Variants in LGSN observed in about 807,000 individuals in gnomAD.
LGSN encodes lengsin.
Under a neutral mutation model 19.5 loss-of-function variants are expected in LGSN, and 21 were observed. That is an observed-to-expected ratio of 1.07 (90% CI 0.76 to 1.55). The LOEUF is 1.55. Ranked by LOEUF, LGSN falls within the 40% of genes most tolerant of loss-of-function variation. The probability of loss-of-function intolerance (pLI) is 0.00; values close to 1 mark genes in which losing one functional copy is unlikely to be tolerated. For synonymous variants in LGSN, 257 were observed against 215.6 expected, an observed-to-expected ratio of 1.19 and a Z score of -1.68; for missense variants, 673 against 608.5, an observed-to-expected ratio of 1.11 and a Z score of -1.12.
chr6:63,351,966 G>A, the LGSN span, among the ~76,000 whole-genome samples: 2 of 152,118 alleles, frequency 1.3e-5, no homozygotes, highest in Admixed American at 1.3e-4. Flanking sequence ...ATTTTCCAAT[G>A]TATAAAGAAA....
At chr6:63,516,961 G>T in the LGSN span, among the ~76,000 whole-genome samples, 1 of 152,108 alleles carries the variant, frequency 6.6e-6, no homozygotes, top group African/African-American at 2.4e-5. Context: ...TGACTCTTCT[G>T]GATTTCTTGA....
chr6:63,555,546 A>G, the LGSN span, among the ~76,000 whole-genome samples: 2 of 152,188 alleles, frequency 1.3e-5, no homozygotes, highest in Admixed American at 1.3e-4. Flanking sequence ...TGGCACCACA[A>G]AAAATCTCTG....
chr6:63,488,157 G>T, the LGSN span, among the ~76,000 whole-genome samples: 13 of 151,946 alleles, frequency 8.6e-5, no homozygotes, highest in Admixed American at 8.5e-4. Context: ...AATATCCCAA[G>T]CAGAGACTAA....
At chr6:63,444,601 A>G in the LGSN span, among the ~76,000 whole-genome samples, 4 of 152,228 alleles carry the variant, frequency 2.6e-5, no homozygotes, top group African/African-American at 4.8e-5. Context: ...TCATAGAGCC[A>G]GAAACTAGAA....
At chr6:63,295,207 CAATTT>C (rs1253881359) in intron 1 of LGSN, among the ~76,000 whole-genome samples, 162 bp from the exon 2 acceptor site, 2 of 152,178 alleles carry the variant, frequency 1.3e-5, no homozygotes. Flanking sequence ...GAATAACTCA[CAATTT>C]AAAAGCCCAG....
chr6:63,401,996 A>G, the LGSN span, among the ~76,000 whole-genome samples: 2 of 152,234 alleles, frequency 1.3e-5, no homozygotes, highest in Non-Finnish European at 2.9e-5. Context: ...GCATGAAGAC[A>G]TGAGCAGCAA....
At chr6:63,424,295 A>G in the LGSN span, among the ~76,000 whole-genome samples, 1 of 152,134 alleles carries the variant, frequency 6.6e-6, no homozygotes, top group Non-Finnish European at 1.5e-5. Context: ...GGATCACTTG[A>G]GTCTCCCTAT....
the LGSN span, among the ~76,000 whole-genome samples, chr6:63,341,734 G>T: frequency 6.6e-6 from 1 of 152,080 alleles, no homozygotes; most frequent in East Asian, 1.9e-4. Flanking sequence ...AGGGATATTT[G>T]CTTTGCCTTT....
At chr6:63,462,594 C>A in the LGSN span, among the ~76,000 whole-genome samples, 2 of 152,196 alleles carry the variant, frequency 1.3e-5, no homozygotes, top group Admixed American at 1.3e-4. Flanking sequence ...GAGATCGCAC[C>A]ACTGCACAAA....
At chr6:63,519,531 G>A in the LGSN span, among the ~76,000 whole-genome samples, 2 of 152,148 alleles carry the variant, frequency 1.3e-5, no homozygotes, top group Non-Finnish European at 2.9e-5. Context: ...TACCAGAACT[G>A]ACTTTCCACT....
At chr6:63,357,757 G>A in the LGSN span, among the ~76,000 whole-genome samples, 10 of 152,242 alleles carry the variant, frequency 6.6e-5, no homozygotes, top group South Asian at 2.1e-4. Context: ...AGTAGGTTGC[G>A]AAAATTTTCT....
At position 63,280,343 on chromosome 6, in the gene LGSN, G is replaced by T. The variant is rs1767246771; in HGVS notation, c.1208C>A (p.Thr403Asn). The T allele has an allele frequency of 6.2e-7, 1 of 1,613,984 alleles. No homozygotes were observed. The highest frequency in any genetic ancestry group is 1.3e-5 in the African/African-American group (1 of 74,894). ...TGAGCCTAGTTTATTTTCTATCCGGGTGCCTTTCTCTCCATGACATTTGAT... is the reference window on the plus strand; with the variant it reads ...TGAGCCTAGTTTATTTTCTATCCGGTTGCCTTTCTCTCCATGACATTTGAT... Reference protein sequence around the residue: ...FNIKCHGEKGTRIENKLGSAT... With the variant: ...FNIKCHGEKGNRIENKLGSAT... Residue 403 changes from threonine (T) to asparagine (N), a missense_variant, in exon 4 of 4, where the codon ACC (threonine) becomes AAC (asparagine). By Grantham distance (65) the Thr-to-Asn change is moderately conservative. Transcript: ENST00000370657.
At chr6:63,384,320 G>A in the LGSN span, among the ~76,000 whole-genome samples, 22 of 152,148 alleles carry the variant, frequency 1.4e-4, no homozygotes, top group Non-Finnish European at 8.8e-5. Flanking sequence ...ATTGGTTTAA[G>A]CATGATCACA....
chr6:63,420,327 C>T, the LGSN span, among the ~76,000 whole-genome samples: 1 of 152,254 alleles, frequency 6.6e-6, no homozygotes. Context: ...AACACCATCT[C>T]TGTGCTGATC....
chr6:63,572,358 C>G, the LGSN span: 6 of 295,842 alleles, frequency 2.0e-5, no homozygotes, highest in East Asian at 3.3e-4. Flanking sequence ...GAGTGACGTC[C>G]GGAGGGGGCG....
the LGSN span, among the ~76,000 whole-genome samples, chr6:63,569,523 C>T: frequency 2.6e-5 from 4 of 152,218 alleles, no homozygotes; most frequent in Non-Finnish European, 4.4e-5. Flanking sequence ...CTTGGTCTCC[C>T]AAAGTACTGG....
the LGSN span, among the ~76,000 whole-genome samples, chr6:63,531,453 C>T: frequency 6.7e-6 from 1 of 148,560 alleles, no homozygotes; most frequent in Non-Finnish European, 1.5e-5. Context: ...ATAGACATCA[C>T]AAAATCCAGA....
chr6:63,319,645 C>T (rs2127399029), intron 1 of LGSN, among the ~76,000 whole-genome samples: 1 of 152,274 alleles, frequency 6.6e-6, no homozygotes, highest in African/African-American at 2.4e-5. Flanking sequence ...ACTTATGCTT[C>T]TGAAACTCAG....
the LGSN span, among the ~76,000 whole-genome samples, chr6:63,430,721 C>T: frequency 7.9e-5 from 12 of 152,154 alleles, no homozygotes; most frequent in East Asian, 1.4e-3. Flanking sequence ...GGAGTGAAAT[C>T]GTGTTCCCTG....
Sources: gnomAD v4.1 joint callset for allele counts (sites outside exome capture counted in the v4.1 genomes callset) on GRCh38, gnomAD v4.1.1 for gene constraint, MANE v1.5 for transcripts, NCBI Gene and HGNC (gene_info 2026-07-23, HGNC 2026-07-21) for gene names.